Variants in FBLN5 observed in about 807,000 individuals in gnomAD.
FBLN5 encodes the protein fibulin-5.
Under a neutral mutation model 61.6 loss-of-function variants are expected in FBLN5, and 24 were observed. The ratio of observed to expected loss-of-function variants is 0.39; its 90% CI spans 0.28 to 0.55. The LOEUF is 0.55. Ranked by LOEUF, FBLN5 falls within the 20% of genes least tolerant of loss-of-function variation. The pLI is 0.65. For missense variants in FBLN5, 470 were observed against 594.1 expected, an observed-to-expected ratio of 0.79 and a Z score of 2.17; for synonymous variants, 213 against 219.8, an observed-to-expected ratio of 0.97 and a Z score of 0.27.
chr14:91,877,487 C>G lies in FBLN5; in HGVS notation c.1185G>C (p.Arg395=). 6.2e-7 allele frequency: 1 copy of G among 1,612,882 alleles called. No individual in the cohort carries two copies. The highest frequency in any genetic ancestry group is 8.5e-7 in the Non-Finnish European group (1 of 1,178,942). Reference sequence around the variant, plus strand: ...GTCCCCACTCCCCACTCCCTCTTACCCGCATGTAAAATTCTCTGCCCTCAT... The same window carrying G: ...GTCCCCACTCCCCACTCCCTCTTACGCGCATGTAAAATTCTCTGCCCTCAT... The part of the protein sequence containing the change: ...SGNEGREFYM[R]QTGPISATLV... The change falls in exon 10 of 11, where the codon CGG becomes CGC. Residue 395 remains arginine, a splice_region_variant and synonymous_variant. Coordinates refer to ENST00000342058, the MANE Select transcript of FBLN5 (RefSeq NM_006329.4).
Position 91,917,230 on chromosome 14 carries a change from C to A in FBLN5, c.379+19717G>T, listed in dbSNP as rs998800013. Among the ~76,000 whole-genome samples, 23 of 152,186 alleles carry A rather than the reference C, an allele frequency of 1.5e-4. 1 individual carries two copies. Among genetic ancestry groups the A allele is most frequent in the Admixed American group, 6.5e-5 (1 of 15,280 alleles). ...TGAAGGCCATATGACACTACTTAAG[C>A]CCTTGCCCTCAGGCATGTCTGAAGC... On this transcript the variant is annotated intron_variant, in intron 4 of 10. Coordinates refer to ENST00000342058, the MANE Select transcript of FBLN5 (RefSeq NM_006329.4).
intron 4 of FBLN5, among the ~76,000 whole-genome samples, chr14:91,914,519 G>A (rs1891104367): frequency 6.8e-6 from 1 of 147,362 alleles, no homozygotes; most frequent in African/African-American, 2.5e-5. Flanking sequence ...TATTAGCTGG[G>A]CAGTATAGTA....
intron 5 of FBLN5, 112 bp downstream of exon 5, chr14:91,894,837 CT>C: frequency 1.5e-6 from 1 of 651,960 alleles, no homozygotes; most frequent in Non-Finnish European, 2.6e-6. Flanking sequence ...CCCGCCCTCC[CT>C]AGCAAAGAAA....
At chr14:91,902,791 T>C (rs1415096715) in intron 4 of FBLN5, among the ~76,000 whole-genome samples, 1 of 152,134 alleles carries the variant, frequency 6.6e-6, no homozygotes, top group Non-Finnish European at 1.5e-5. Context: ...TCAGAAACTA[T>C]TAGGTTGGTG....
Position 91,875,531 on chromosome 14 carries a change from T to A in FBLN5, c.1185+1956A>T, listed in dbSNP as rs114191641. Among the ~76,000 whole-genome samples, 314 of 152,170 alleles carry A rather than the reference T, an allele frequency of 2.1e-3. 1 individual carries two copies. Among genetic ancestry groups the A allele is most frequent in the African/African-American group, 7.1e-3 (295 of 41,508 alleles). On this transcript the variant is annotated intron_variant, in intron 10 of 10. Transcript: ENST00000342058. ...GGTCAGTGTGAAGTCCTCAGGCAAA[T>A]CTCCAAAAGACCCACAAAAGCACCC...
At chr14:91,946,906 T>C (rs1329434490) in intron 1 of FBLN5, 3 of 1,462,786 alleles carry the variant, frequency 2.1e-6, no homozygotes, top group East Asian at 5.0e-5. Context: ...AAAAATCCCT[T>C]AAAACGACAA....
In FBLN5 at chr14:91,881,414, G is replaced by C. The variant is rs1889460059; in HGVS notation, c.867C>G (p.Ile289Met). Residue 289 changes from isoleucine (I) to methionine (M), a missense_variant, in exon 9 of 11, where the codon ATC (isoleucine) becomes ATG (methionine). Physicochemically the swap from Ile to Met is conservative, Grantham distance 10. Coordinates refer to ENST00000342058, the MANE Select transcript of FBLN5 (RefSeq NM_006329.4). ...TGTGGTTCCTGTGCTCACATTCGTT[G>C]ATGTCTGAAATGCAGGGGAGACAAG... ...LLDDNRSCQD[I>M]NECEHRNHTC... The C allele has an allele frequency of 6.2e-7, 1 of 1,614,198 alleles. No individual in the cohort carries two copies. Among genetic ancestry groups the C allele is most frequent in the Non-Finnish European group, 8.5e-7 (1 of 1,180,026 alleles).
At chr14:91,939,644 A>G (rs1432191721) in intron 3 of FBLN5, among the ~76,000 whole-genome samples, 1 of 152,034 alleles carries the variant, frequency 6.6e-6, no homozygotes, top group African/African-American at 2.4e-5. Flanking sequence ...ACCCGGCCCC[A>G]TCGATGCTTT....
intron 4 of FBLN5, among the ~76,000 whole-genome samples, chr14:91,908,858 T>C (rs1237136291): frequency 6.6e-6 from 1 of 152,130 alleles, no homozygotes; most frequent in Non-Finnish European, 1.5e-5. Context: ...TCTAAAAATA[T>C]AGAGCTCTTG....
intron 7 of FBLN5, among the ~76,000 whole-genome samples, chr14:91,886,656 A>AT (rs11458593): frequency 0.031 from 4,716 of 151,142 alleles, 98 homozygotes; most frequent in Non-Finnish European, 0.046. Context: ...TTCGAGAACT[A>AT]TTTTTTTTTG....
chr14:91,886,387 G>C (rs889860412), intron 7 of FBLN5, among the ~76,000 whole-genome samples: 1 of 152,186 alleles, frequency 6.6e-6, no homozygotes, highest in Non-Finnish European at 1.5e-5. Flanking sequence ...ATGTGAGTAA[G>C]AGGTGGTCCC....
intron 1 of FBLN5, among the ~76,000 whole-genome samples, chr14:91,944,219 C>T (rs1259738578): frequency 6.6e-6 from 1 of 152,056 alleles, no homozygotes; most frequent in South Asian, 2.1e-4. Flanking sequence ...TGAGACAAAG[C>T]GAGACTCTGT....
At position 91,947,152 on chromosome 14, in the gene FBLN5, T is replaced by G; in HGVS notation, c.17+61A>C. ...CGCAGCCATAACCATTTTCCACCCA[T>G]CGGATTTTTAGCAAGGCTTCCAGAC... On this transcript the variant is annotated intron_variant, in intron 1 of 10. Coordinates refer to ENST00000342058, the MANE Select transcript of FBLN5 (RefSeq NM_006329.4). This position sits in a 1 kb window ranked among gnomAD's most constrained non-coding sequence, Gnocchi z 4.3. 6.2e-7 allele frequency: 1 copy of G among 1,611,770 alleles called. No individual in the cohort carries two copies. The highest frequency in any genetic ancestry group is 1.3e-5 in the African/African-American group (1 of 74,948).
intron 9 of FBLN5, among the ~76,000 whole-genome samples, chr14:91,879,370 C>T (rs1228333291): frequency 6.6e-6 from 1 of 152,224 alleles, no homozygotes; most frequent in Non-Finnish European, 1.5e-5. Context: ...CGGGTAAAGG[C>T]ATGAGCAAGT....
At chr14:91,920,778 A>G (rs562366096) in intron 4 of FBLN5, among the ~76,000 whole-genome samples, 96 of 152,236 alleles carry the variant, frequency 6.3e-4, no homozygotes, top group African/African-American at 1.7e-3. Context: ...GTGGCCCCCA[A>G]TGGTAGCACG....
chr14:91,947,415 A>C lies in FBLN5; in HGVS notation c.-186T>G. On this transcript the variant is annotated 5_prime_UTR_variant, in exon 1 of 11. Transcript: ENST00000342058. This position sits in a 1 kb window ranked among gnomAD's most constrained non-coding sequence, Gnocchi z 4.3. ...GCCGGGGTCCTCCCAGCCACTGCAGAGCCCTCAGCGCAAGCACCTGGTTTT... is the reference window on the plus strand; with the variant it reads ...GCCGGGGTCCTCCCAGCCACTGCAGCGCCCTCAGCGCAAGCACCTGGTTTT... 1.5e-6 allele frequency: 1 copy of C among 681,748 alleles called. No homozygotes were observed. The highest frequency in any genetic ancestry group is 2.6e-6 in the Non-Finnish European group (1 of 378,226). The allele number at this position is 681,748 out of a possible 1,614,324, so 42.2% of individuals were successfully genotyped here.
In FBLN5 at chr14:91,870,331, G is replaced by A. The variant is rs767535657; in HGVS notation, c.1240C>T (p.Arg414Trp). 14 of 1,614,016 alleles carry A rather than the reference G, an allele frequency of 8.7e-6. No individual in the cohort carries two copies. The highest frequency in any genetic ancestry group is 1.6e-4 in the Middle Eastern group (1 of 6,066). The change falls in exon 11 of 11, where the codon CGG becomes TGG. Residue 414 changes from arginine to tryptophan, a missense_variant. Coordinates refer to ENST00000342058, the MANE Select transcript of FBLN5 (RefSeq NM_006329.4). Reference sequence around the variant, plus strand: ...ATTTCCAAGTCCAGCTGGATTTCCCGGGGCCCTTTGATGGGGCGTGTCATC... The same window carrying A: ...ATTTCCAAGTCCAGCTGGATTTCCCAGGGCCCTTTGATGGGGCGTGTCATC... ...LVMTRPIKGPREIQLDLEMIT... is the reference protein window; with the variant it reads ...LVMTRPIKGPWEIQLDLEMIT...
chr14:91,908,347 C>T (rs1178668110), intron 4 of FBLN5, among the ~76,000 whole-genome samples: 1 of 152,158 alleles, frequency 6.6e-6, no homozygotes. Context: ...AGTCTTCATC[C>T]TTCACCCCTT....
At chr14:91,910,865 T>A (rs1052802507) in intron 4 of FBLN5, among the ~76,000 whole-genome samples, 2 of 152,166 alleles carry the variant, frequency 1.3e-5, no homozygotes, top group African/African-American at 4.8e-5. Flanking sequence ...AGGTCTGGAC[T>A]ATGACGTGGG....
Sources: allele counts gnomAD v4.1 joint callset (sites outside exome capture counted in the v4.1 genomes callset), GRCh38; gene constraint gnomAD v4.1.1; non-coding constraint Gnocchi (gnomAD v3.1); transcripts MANE v1.5; gene names NCBI Gene and HGNC (gene_info 2026-07-23, HGNC 2026-07-21).